Variants in HECW1 observed in about 807,000 individuals in gnomAD.
HECW1 encodes E3 ubiquitin-protein ligase HECW1.
A neutral mutation model predicts 182.3 loss-of-function variants in HECW1; 61 were observed. The ratio of observed to expected loss-of-function variants is 0.33; its 90% CI spans 0.27 to 0.41. HECW1 has a LOEUF of 0.41. Ranked by LOEUF, HECW1 falls within the 10% of genes least tolerant of loss-of-function variation. The probability of loss-of-function intolerance (pLI) is 1.00; values close to 1 mark genes in which losing one functional copy is unlikely to be tolerated. For missense variants in HECW1, 1,739 were observed against 2,108.9 expected, an observed-to-expected ratio of 0.82 and a Z score of 3.44; for synonymous variants, 859 against 832.6, an observed-to-expected ratio of 1.03 and a Z score of -0.55.
At position 43,134,946 on chromosome 7, in the gene HECW1, T is replaced by G. The variant is rs79974567; in HGVS notation, c.-32+20555T>G. Among the ~76,000 whole-genome samples the G allele has an allele frequency of 7.6e-4, 115 of 151,880 alleles. No individual in the cohort carries two copies. The East Asian group carries it at 0.021, about 28-fold the overall frequency. On this transcript the variant is annotated intron_variant, in intron 2 of 29. Coordinates refer to ENST00000395891, the MANE Select transcript of HECW1 (RefSeq NM_015052.5). ...TATCAGAGCATTTTGCTAAAATGTC[T>G]AGGTATATAGGTTTTTGCTCTCGTT... is the stretch of plus-strand genomic sequence containing the variant.
chr7:43,264,574 G>T (rs542119672), intron 3 of HECW1, among the ~76,000 whole-genome samples: 4 of 151,982 alleles, frequency 2.6e-5, no homozygotes, highest in African/African-American at 9.7e-5. Context: ...AGCCAGGCGC[G>T]GTGGCTCACG....
chr7:43,303,269 CAGCTGGTTTCT>C (rs1266010083), intron 3 of HECW1, among the ~76,000 whole-genome samples: 3 of 152,112 alleles, frequency 2.0e-5, no homozygotes, highest in Non-Finnish European at 4.4e-5. Context: ...GCCTGGCCTC[CAGCTGGTTTCT>C]CTTACGTGTG....
intron 8 of HECW1, among the ~76,000 whole-genome samples, chr7:43,431,698 A>T (rs1429241142): frequency 1.3e-5 from 2 of 152,264 alleles, no homozygotes; most frequent in South Asian, 4.1e-4. Flanking sequence ...GCTGTTCATG[A>T]TCTGGATTCT....
intron 13 of HECW1, among the ~76,000 whole-genome samples, chr7:43,458,761 T>G (rs920837916): frequency 1.3e-5 from 2 of 152,202 alleles, no homozygotes; most frequent in Non-Finnish European, 2.9e-5. Flanking sequence ...CCATCTCACA[T>G]GCGACCACAC....
At chr7:43,251,097 C>G (rs1799979955) in intron 3 of HECW1, among the ~76,000 whole-genome samples, 1 of 152,180 alleles carries the variant, frequency 6.6e-6, no homozygotes, top group South Asian at 2.1e-4. Flanking sequence ...GCTTCCTCCT[C>G]TGGCTTTCTC....
chr7:43,554,416 C>G (rs1313736762), intron 28 of HECW1, among the ~76,000 whole-genome samples, 176 bp from the exon 29 acceptor site: 1 of 152,240 alleles, frequency 6.6e-6, no homozygotes, highest in Non-Finnish European at 1.5e-5. Flanking sequence ...TGTTCTAAAA[C>G]TTGACCTGGT....
chr7:43,190,153 G>A (rs2002505), intron 2 of HECW1, among the ~76,000 whole-genome samples: 49,966 of 151,990 alleles, frequency 0.33, 9,203 homozygotes, highest in Non-Finnish European at 0.41. Context: ...ATGCTCTGTC[G>A]CCCAGGCTGG....
At chr7:43,399,560 A>C (rs1416611162) in intron 7 of HECW1, among the ~76,000 whole-genome samples, 1 of 152,236 alleles carries the variant, frequency 6.6e-6, no homozygotes, top group Non-Finnish European at 1.5e-5. Context: ...AATGCCATGC[A>C]TGGTGAGCAG....
Position 43,271,961 on chromosome 7 carries a change from A to G in HECW1, c.27+28029A>G, listed in dbSNP as rs543054011. Among the ~76,000 whole-genome samples, 10 of 152,280 alleles carry G rather than the reference A, an allele frequency of 6.6e-5. No individual in the cohort carries two copies. In the South Asian group the frequency reaches 2.1e-3, roughly 32 times the overall value. On this transcript the variant is annotated intron_variant, in intron 3 of 29. Coordinates refer to ENST00000395891, the MANE Select transcript of HECW1 (RefSeq NM_015052.5). ...TGACTTCAAACTGTGTTATAAGGCT[A>G]CAGTAACCAAAACAGCACAGTACTT...
chr7:43,271,974 C>T (rs1802458959), intron 3 of HECW1, among the ~76,000 whole-genome samples: 1 of 152,072 alleles, frequency 6.6e-6, no homozygotes, highest in Admixed American at 6.6e-5. Flanking sequence ...GTAACCAAAA[C>T]AGCACAGTAC....
chr7:43,508,833 C>T (rs1015315211), intron 23 of HECW1, 136 bp from the exon 24 acceptor site: 14 of 785,124 alleles, frequency 1.8e-5, no homozygotes, highest in Non-Finnish European at 2.9e-5. Context: ...CATTGGCATT[C>T]ACTCCAAAGA....
intron 17 of HECW1, among the ~76,000 whole-genome samples, chr7:43,488,788 C>G (rs1346374654): frequency 6.6e-6 from 1 of 152,182 alleles, no homozygotes; most frequent in Non-Finnish European, 1.5e-5. Flanking sequence ...GTCTTTGAGC[C>G]ATCCAGTACC....
At chr7:43,153,014 G>A (rs1389483180) in intron 2 of HECW1, among the ~76,000 whole-genome samples, 1 of 152,156 alleles carries the variant, frequency 6.6e-6, no homozygotes, top group African/African-American at 2.4e-5. Flanking sequence ...GATTGCTGGG[G>A]TGGGTAAGAG....
At chr7:43,486,502 C>T (rs932336275) in intron 17 of HECW1, among the ~76,000 whole-genome samples, 8 of 152,266 alleles carry the variant, frequency 5.3e-5, no homozygotes, top group African/African-American at 9.6e-5. Context: ...GGGGTTTCAC[C>T]GTGTTGGCCA....
intron 3 of HECW1, among the ~76,000 whole-genome samples, chr7:43,301,870 C>A: frequency 7.9e-6 from 1 of 126,426 alleles, no homozygotes; most frequent in East Asian, 2.5e-4. Flanking sequence ...AGTGGAAACT[C>A]TGTCAAAAAA....
chr7:43,390,075 C>T (rs982345981), intron 6 of HECW1, among the ~76,000 whole-genome samples: 23 of 152,130 alleles, frequency 1.5e-4, no homozygotes, highest in African/African-American at 5.3e-4. Flanking sequence ...ATTTCCAATT[C>T]GCACCATGAA....
chr7:43,483,432 A>G (rs2152910634), intron 17 of HECW1, among the ~76,000 whole-genome samples: 1 of 151,998 alleles, frequency 6.6e-6, no homozygotes, highest in Admixed American at 6.6e-5. Flanking sequence ...TGGTAGCATT[A>G]CCCCAGTGAA....
At chr7:43,212,032 G>C (rs1796048173) in intron 2 of HECW1, among the ~76,000 whole-genome samples, 2 of 152,204 alleles carry the variant, frequency 1.3e-5, no homozygotes, top group African/African-American at 4.8e-5. Context: ...AAGAAAGACT[G>C]AATATTGGAA....
chr7:43,293,736 T>C (rs577223788), intron 3 of HECW1, among the ~76,000 whole-genome samples: 5 of 152,268 alleles, frequency 3.3e-5, no homozygotes, highest in African/African-American at 1.2e-4. Context: ...ACTTTAATTT[T>C]AGTGCATTAT....
Sources: gnomAD v4.1 joint callset for allele counts (sites outside exome capture counted in the v4.1 genomes callset) on GRCh38, gnomAD v4.1.1 for gene constraint, MANE v1.5 for transcripts, NCBI Gene and HGNC (gene_info 2026-07-23, HGNC 2026-07-21) for gene names.